Variants in MAML2 observed in about 807,000 individuals in gnomAD.
MAML2 encodes the protein mastermind like transcriptional coactivator 2.
A neutral mutation model predicts 96.1 loss-of-function variants in MAML2; 22 were observed. The ratio of observed to expected loss-of-function variants is 0.23; its 90% CI spans 0.16 to 0.33. MAML2 has a LOEUF of 0.33. Among genes scored for constraint, MAML2 ranks in the 10% least tolerant of loss-of-function variants. The pLI is 1.00. For missense variants in MAML2, 1,367 were observed against 1,392.4 expected, an observed-to-expected ratio of 0.98 and a Z score of 0.29; for synonymous variants, 561 against 521.3, an observed-to-expected ratio of 1.08 and a Z score of -1.04.
intron 2 of MAML2, among the ~76,000 whole-genome samples, chr11:96,011,554 C>G (rs1858267070): frequency 6.6e-6 from 1 of 152,016 alleles, no homozygotes; most frequent in Non-Finnish European, 1.5e-5. Context: ...ACAACAGACA[C>G]TGGGGACTCC....
In MAML2 at chr11:96,092,238, TGCTGCTGC is replaced by T. The variant is rs761195587; in HGVS notation, c.1785_1792del (p.Gln596AlafsTer132). ...CTGCTGCTGCTGCTGCTGCTGCTGCTGCTGCTGCTGCTGTTGCTGCTGTTGCTGTTGGG... is the reference window on the plus strand; with the variant it reads ...CTGCTGCTGCTGCTGCTGCTGCTGCTTGCTGTTGCTGCTGTTGCTGTTGGG... On this transcript the variant is annotated frameshift_variant, in exon 2 of 5. Transcript: ENST00000524717. LOFTEE classifies it high-confidence loss of function. This position sits in a 1 kb window ranked among gnomAD's most constrained non-coding sequence, Gnocchi z 4.1. 6.5e-7 allele frequency: 1 copy of T among 1,545,950 alleles called. No homozygotes were observed. The highest frequency in any genetic ancestry group is 2.4e-5 in the East Asian group (1 of 40,844).
At chr11:96,303,739 G>C (rs190588587) in intron 1 of MAML2, among the ~76,000 whole-genome samples, 1 of 152,206 alleles carries the variant, frequency 6.6e-6, no homozygotes, top group African/African-American at 2.4e-5. Context: ...GTTCTTAAGG[G>C]GCACAAGTGG....
chr11:96,106,929 C>T (rs969418263), intron 1 of MAML2, among the ~76,000 whole-genome samples: 11 of 147,764 alleles, frequency 7.4e-5, no homozygotes, highest in African/African-American at 2.7e-4. Flanking sequence ...ATGACCACTT[C>T]GCTGCATTTG....
chr11:96,310,613 G>A lies in MAML2; in HGVS notation c.513+30770C>T, dbSNP rs16923542. 4.6e-3 allele frequency among the ~76,000 whole-genome samples: 708 copies of A among 152,272 alleles called. 11 individuals carry two copies. Among genetic ancestry groups the A allele is most frequent in the African/African-American group, 0.016 (679 of 41,554 alleles). On this transcript the variant is annotated intron_variant, in intron 1 of 4. Coordinates refer to ENST00000524717, the MANE Select transcript of MAML2 (RefSeq NM_032427.4). The stretch of plus-strand genomic sequence containing the variant: ...GCCCTTTCTTCCTAGTCCTTAGGTT[G>A]GCAATACTGTGGTGTCAGTAATTTA...
At chr11:96,195,558 G>C (rs1336735988) in intron 1 of MAML2, among the ~76,000 whole-genome samples, 4 of 152,150 alleles carry the variant, frequency 2.6e-5, no homozygotes, top group African/African-American at 9.7e-5. Flanking sequence ...GTTTCACCAA[G>C]AAAATATTGA....
chr11:96,146,523 G>A (rs147419819), intron 1 of MAML2, among the ~76,000 whole-genome samples: 1,549 of 152,314 alleles, frequency 0.01, 18 homozygotes, highest in Admixed American at 0.021. Context: ...TTATGAGTCT[G>A]TTGTCTAACA....
chr11:96,013,887 C>T (rs1858303017), intron 2 of MAML2, among the ~76,000 whole-genome samples: 1 of 152,210 alleles, frequency 6.6e-6, no homozygotes, highest in South Asian at 2.1e-4. Context: ...TACACCAAGG[C>T]AGGAACCCAG....
At chr11:96,165,036 G>A (rs1042349412) in intron 1 of MAML2, among the ~76,000 whole-genome samples, 7 of 152,110 alleles carry the variant, frequency 4.6e-5, no homozygotes, top group Non-Finnish European at 8.8e-5. Context: ...GAAAACGAAA[G>A]AGATCTATCT....
At chr11:96,140,817 T>C (rs1045391641) in intron 1 of MAML2, among the ~76,000 whole-genome samples, 1 of 152,134 alleles carries the variant, frequency 6.6e-6, no homozygotes, top group African/African-American at 2.4e-5. Context: ...GGAGGTCAAA[T>C]ACACTTGACT....
chr11:96,093,055 G>A lies in MAML2; in HGVS notation c.976C>T (p.Leu326=). The change falls in exon 2 of 5, where the codon CTG becomes TTG. Residue 326 remains leucine (L), a synonymous_variant. Coordinates refer to ENST00000524717, the MANE Select transcript of MAML2 (RefSeq NM_032427.4). ...ISVPPMSDLE[L]ENMINATIKQ... is the part of the protein sequence containing the mutation. ...ATGGTGGCATTGATCATGTTCTCCA[G>A]TTCAAGGTCACTCATGGGAGGCACA... 1 of 1,614,014 alleles carries A rather than the reference G, an allele frequency of 6.2e-7. No homozygotes were observed. Among genetic ancestry groups the A allele is most frequent in the Non-Finnish European group, 8.5e-7 (1 of 1,179,888 alleles).
intron 2 of MAML2, among the ~76,000 whole-genome samples, chr11:96,020,146 G>A (rs990496111): frequency 2.6e-5 from 4 of 152,090 alleles, no homozygotes; most frequent in African/African-American, 9.7e-5. Context: ...TAATTGGGAG[G>A]GTTTTTCTGG....
At chr11:96,117,724 C>T (rs1051073622) in intron 1 of MAML2, among the ~76,000 whole-genome samples, 3 of 152,174 alleles carry the variant, frequency 2.0e-5, no homozygotes, top group Admixed American at 6.5e-5. Context: ...CCAGAAGATT[C>T]TTAGAACAAA....
At chr11:96,134,320 C>A (rs1226677995) in intron 1 of MAML2, among the ~76,000 whole-genome samples, 3 of 152,192 alleles carry the variant, frequency 2.0e-5, no homozygotes, top group Non-Finnish European at 4.4e-5. Flanking sequence ...AAGCAGGCAC[C>A]ACACCTGCTT....
At chr11:96,236,235 G>A (rs950250600) in intron 1 of MAML2, among the ~76,000 whole-genome samples, 2 of 152,176 alleles carry the variant, frequency 1.3e-5, no homozygotes, top group Non-Finnish European at 2.9e-5. Flanking sequence ...AGAAATGATA[G>A]TATAGCAAGA....
At chr11:96,325,452 A>G (rs1457942066) in intron 1 of MAML2, among the ~76,000 whole-genome samples, 1 of 152,166 alleles carries the variant, frequency 6.6e-6, no homozygotes. Context: ...ACCATTTCTC[A>G]ACTTCTCCAA....
intron 2 of MAML2, among the ~76,000 whole-genome samples, chr11:96,045,905 T>G (rs1418105875): frequency 1.4e-5 from 2 of 146,328 alleles, no homozygotes; most frequent in Non-Finnish European, 3.0e-5. Context: ...CACTTCTGTT[T>G]TTTTTTTTTT....
At chr11:96,176,042 A>G (rs11021459) in intron 1 of MAML2, among the ~76,000 whole-genome samples, 34,438 of 152,196 alleles carry the variant, frequency 0.23, 4,445 homozygotes, top group East Asian at 0.49. Flanking sequence ...AGAATATGCA[A>G]TCACTGGAAT....
At chr11:96,021,374 C>T (rs1384819128) in intron 2 of MAML2, among the ~76,000 whole-genome samples, 2 of 152,076 alleles carry the variant, frequency 1.3e-5, no homozygotes, top group Non-Finnish European at 2.9e-5. Flanking sequence ...CTTTAGTTTC[C>T]CAACTAGAGG....
chr11:96,163,448 C>T (rs944756465), intron 1 of MAML2, among the ~76,000 whole-genome samples: 3 of 152,182 alleles, frequency 2.0e-5, no homozygotes, highest in African/African-American at 7.2e-5. Context: ...ATCATAAGCT[C>T]TTATTATCTT....
Sources: allele counts gnomAD v4.1 joint callset (sites outside exome capture counted in the v4.1 genomes callset), GRCh38; gene constraint gnomAD v4.1.1; non-coding constraint Gnocchi (gnomAD v3.1); transcripts MANE v1.5; gene names NCBI Gene and HGNC (gene_info 2026-07-23, HGNC 2026-07-21).